Variants in FAM124B observed in about 807,000 individuals in gnomAD.
FAM124B encodes the protein family with sequence similarity 124 member B, also known as protein FAM124B.
A neutral mutation model predicts 19.7 loss-of-function variants in FAM124B; 18 were observed. The ratio of observed to expected loss-of-function variants is 0.92; its 90% CI spans 0.63 to 1.36. The LOEUF (loss-of-function observed/expected upper bound fraction) is 1.36. Among genes scored for constraint, FAM124B ranks in the 40% most tolerant of loss-of-function variants. FAM124B has a pLI of 0.00. For synonymous variants in FAM124B, 223 were observed against 225.2 expected, an observed-to-expected ratio of 0.99 and a Z score of 0.09; for missense variants, 540 against 553.3, an observed-to-expected ratio of 0.98 and a Z score of 0.24.
In FAM124B at chr2:224,401,684, C is replaced by T; in HGVS notation, c.85G>A (p.Asp29Asn). Residue 29 changes from aspartate to asparagine, a missense_variant, in exon 1 of 2, where the codon GAC becomes AAC. Transcript: ENST00000409685. ...GGGCAAATGCAATCCAGGAGCTGGT[C>T]CAGAGTCCTCTGCAGAAGGGAGCCG... ...GHGSLLQRTL[D>N]QLLDCICPEV... 6.2e-7 allele frequency: 1 copy of T among 1,614,136 alleles called. No individual in the cohort carries two copies. The highest frequency in any genetic ancestry group is 8.5e-7 in the Non-Finnish European group (1 of 1,180,034).
chr2:224,391,341 CA>C (rs754536476), intron 1 of FAM124B, among the ~76,000 whole-genome samples: 3,018 of 67,352 alleles, frequency 0.045, 62 homozygotes, highest in African/African-American at 0.12. Context: ...ACTCTTGTCT[CA>C]AAAAAAAAAA....
chr2:224,388,450 T>C (rs1043008217), intron 1 of FAM124B, among the ~76,000 whole-genome samples: 3 of 152,198 alleles, frequency 2.0e-5, no homozygotes, highest in East Asian at 1.9e-4. Flanking sequence ...GAAAACATCA[T>C]GGTAAGTGAA....
In FAM124B at chr2:224,379,727, G is replaced by A. The variant is rs1689681543; in HGVS notation, c.1214C>T (p.Ser405Phe). 1.3e-6 allele frequency: 2 copies of A among 1,551,542 alleles called. No homozygotes were observed. Among genetic ancestry groups the A allele is most frequent in the South Asian group, 2.4e-5 (2 of 84,056 alleles). ...LPASSLGVAT[S>F]KNNSVLKERV... Reference sequence around the variant, plus strand: ...TTCCTTAAGGACACTGTTGTTTTTGGAGGTAGCCACCCCCAAGGAAGAGGC... The same window carrying A: ...TTCCTTAAGGACACTGTTGTTTTTGAAGGTAGCCACCCCCAAGGAAGAGGC... Residue 405 changes from serine to phenylalanine, a missense_variant, in exon 2 of 2, where the codon TCC becomes TTC. Ser to Phe is a radical substitution (Grantham distance 155). Transcript: ENST00000409685.
intron 1 of FAM124B, among the ~76,000 whole-genome samples, chr2:224,384,105 G>A (rs964416727): frequency 6.6e-6 from 1 of 152,104 alleles, no homozygotes; most frequent in East Asian, 1.9e-4. Context: ...GGGCAGCCAG[G>A]AAGCGCCCTC....
At chr2:224,393,818 C>G (rs1689926516) in intron 1 of FAM124B, among the ~76,000 whole-genome samples, 1 of 152,236 alleles carries the variant, frequency 6.6e-6, no homozygotes, top group South Asian at 2.1e-4. Context: ...TTGTCCTCAA[C>G]TCTTCAGAAA....
chr2:224,396,322 C>A (rs1052916990), intron 1 of FAM124B, among the ~76,000 whole-genome samples: 3 of 152,070 alleles, frequency 2.0e-5, no homozygotes, highest in African/African-American at 7.2e-5. Flanking sequence ...TTTGAGACAC[C>A]CTTGCTCCCT....
rs546571913 is a variant in FAM124B at position 224,380,043 on chromosome 2, G to T, written c.898C>A (p.Pro300Thr). 3.2e-6 allele frequency: 5 copies of T among 1,551,664 alleles called. No homozygotes were observed. In the South Asian group the frequency reaches 4.8e-5, roughly 15 times the overall value. The change falls in exon 2 of 2, where the codon CCC (proline) becomes ACC (threonine). Residue 300 changes from proline to threonine, a missense_variant. Transcript: ENST00000409685. ...SQGHSLELPE[P>T]SGSPTSDRCA... ...CTGTCTGATGTGGGGCTCCCACTGG[G>T]CTCAGGAAGCTCCAGAGAATGCCCC... is the stretch of plus-strand genomic sequence containing the variant.
At position 224,380,115 on chromosome 2, in the gene FAM124B, T is replaced by C. The variant is rs1689691568; in HGVS notation, c.826A>G (p.Arg276Gly). ...CTCTGGCTCCTGGGTTCTGAGGTCC[T>C]CTTTGCAGAGACAGAAGTCAGCCTG... ...GSRLTSVSAK[R>G]TSEPRSQRNQ... Residue 276 changes from arginine (R) to glycine (G), a missense_variant, in exon 2 of 2, where the codon AGG becomes GGG. Coordinates refer to ENST00000409685, the MANE Select transcript of FAM124B (RefSeq NM_001122779.2). 2 of 1,551,706 alleles carry C rather than the reference T, an allele frequency of 1.3e-6. No individual in the cohort carries two copies. The highest frequency in any genetic ancestry group is 1.7e-6 in the Non-Finnish European group (2 of 1,147,008).
chr2:224,380,129 G>C lies in FAM124B; in HGVS notation c.812C>G (p.Ser271Cys). 1 of 1,551,710 alleles carries C rather than the reference G, an allele frequency of 6.4e-7. No homozygotes were observed. ...TTCTGAGGTCCTCTTTGCAGAGACAGAAGTCAGCCTGGAGCCCAGGGGAAG... is the reference window on the plus strand; with the variant it reads ...TTCTGAGGTCCTCTTTGCAGAGACACAAGTCAGCCTGGAGCCCAGGGGAAG... ...GMLPLGSRLT[S>C]VSAKRTSEPR... Residue 271 changes from serine (S) to cysteine (C), a missense_variant, in exon 2 of 2, where the codon TCT becomes TGT. Physicochemically the swap from Ser to Cys is moderately radical, Grantham distance 112. Coordinates refer to ENST00000409685, the MANE Select transcript of FAM124B (RefSeq NM_001122779.2).
intron 1 of FAM124B, among the ~76,000 whole-genome samples, chr2:224,395,833 C>T (rs914410897): frequency 6.6e-6 from 1 of 152,214 alleles, no homozygotes; most frequent in Non-Finnish European, 1.5e-5. Flanking sequence ...GGCGCGCTGG[C>T]AGAGACAGCT....
intron 1 of FAM124B, among the ~76,000 whole-genome samples, chr2:224,383,640 A>C (rs1689759023): frequency 6.6e-6 from 1 of 152,086 alleles, no homozygotes; most frequent in Non-Finnish European, 1.5e-5. Flanking sequence ...ATCACCCCCA[A>C]ATTCTCACTT....
In FAM124B at chr2:224,401,920, A is replaced by C; in HGVS notation, c.-152T>G. The C allele has an allele frequency of 2.2e-6, 2 of 899,858 alleles. No individual in the cohort carries two copies. The highest frequency in any genetic ancestry group is 3.3e-6 in the Non-Finnish European group (2 of 606,456). The allele number at this position is 899,858 out of a possible 1,614,324, so 55.7% of individuals were successfully genotyped here. A position where few individuals can be genotyped will look rare whatever the true frequency, so the allele number is the denominator to read the frequency against. On this transcript the variant is annotated 5_prime_UTR_variant, in exon 1 of 2. Coordinates refer to ENST00000409685, the MANE Select transcript of FAM124B (RefSeq NM_001122779.2). ...CTGAGCAGAGCTCTTAACCAGACTA[A>C]CACGTGCTCCTGGCCACCCGTGGAC...
chr2:224,380,225 G>A lies in FAM124B; in HGVS notation c.733-17C>T, dbSNP rs945149829. 3 of 1,519,838 alleles carry A rather than the reference G, an allele frequency of 2.0e-6. No homozygotes were observed. The highest frequency in any genetic ancestry group is 2.7e-6 in the Non-Finnish European group (3 of 1,129,564). The allele number at this position is 1,519,838 out of a possible 1,614,324, so 94.1% of individuals were successfully genotyped here. On this transcript the variant is annotated splice_polypyrimidine_tract_variant and intron_variant, in intron 1 of 1. Transcript: ENST00000409685. ...CAGCTGAACCTACAGGAAAGGAAAG[G>A]AGGAACATATGAAACATAATTTCCA...
chr2:224,386,472 T>C (rs1310557242), intron 1 of FAM124B, among the ~76,000 whole-genome samples: 1 of 152,198 alleles, frequency 6.6e-6, no homozygotes, highest in Non-Finnish European at 1.5e-5. Context: ...TCAGTTTCCT[T>C]ATATGGAAAA....
At chr2:224,400,474 C>G in intron 1 of FAM124B, 1 of 696,672 alleles carries the variant, frequency 1.4e-6, no homozygotes, top group African/African-American at 1.8e-5. Flanking sequence ...CCACCGCACT[C>G]GAGTCTGGGC....
chr2:224,380,230 A>G, intron 1 of FAM124B, 22 bp from the exon 2 acceptor site: 1 of 1,506,280 alleles, frequency 6.6e-7, no homozygotes, highest in Non-Finnish European at 8.9e-7. Flanking sequence ...GAAAGGAGGA[A>G]CATATGAAAC....
At position 224,378,742 on chromosome 2, in the gene FAM124B, T is replaced by A. The variant is rs927876673; in HGVS notation, c.*831A>T. 4.6e-5 allele frequency: 7 copies of A among 152,346 alleles called. No individual in the cohort carries two copies. Among genetic ancestry groups the A allele is most frequent in the African/African-American group, 1.7e-4 (7 of 41,576 alleles). 9.4% of individuals were successfully genotyped at this position (152,346 alleles called of 1,614,324 possible). ...TATTGAATGAACATATATAAATGAA[T>A]GAATGAGTGCGTTTTGTAAAGGAAT... is the stretch of plus-strand genomic sequence containing the variant. On this transcript the variant is annotated 3_prime_UTR_variant, in exon 2 of 2. Coordinates refer to ENST00000409685, the MANE Select transcript of FAM124B (RefSeq NM_001122779.2).
rs181064481 is a variant in FAM124B at position 224,393,728 on chromosome 2, T to G, written c.732+7309A>C. 2.0e-4 allele frequency among the ~76,000 whole-genome samples: 30 copies of G among 152,308 alleles called. 1 individual carries two copies. In the East Asian group the frequency reaches 3.9e-3, roughly 20 times the overall value. ...TCAAGGCCATAGCTTGCCTGGGAGC[T>G]CTGAGAATAGCGACATCTAGAAGTA... On this transcript the variant is annotated intron_variant, in intron 1 of 1. Coordinates refer to ENST00000409685, the MANE Select transcript of FAM124B (RefSeq NM_001122779.2).
chr2:224,394,324 A>G (rs1053980685), intron 1 of FAM124B, among the ~76,000 whole-genome samples: 1 of 151,948 alleles, frequency 6.6e-6, no homozygotes, highest in African/African-American at 2.4e-5. Flanking sequence ...CCACCTGACC[A>G]TGGAATCTCT....
Sources: allele counts gnomAD v4.1 joint callset (sites outside exome capture counted in the v4.1 genomes callset), GRCh38; gene constraint gnomAD v4.1.1; transcripts MANE v1.5; gene names NCBI Gene and HGNC (gene_info 2026-07-23, HGNC 2026-07-21).